Variants in ATPAF1 observed in about 807,000 individuals in gnomAD.
The protein encoded by ATPAF1 is ATP synthase mitochondrial F1 complex assembly factor 1.
In ATPAF1, 26 loss-of-function variants were observed where a neutral mutation model predicts 43.9. The ratio of observed to expected loss-of-function variants is 0.59; its 90% CI spans 0.43 to 0.82. ATPAF1 has a LOEUF of 0.82. Among genes scored for constraint, ATPAF1 ranks in the 40% least tolerant of loss-of-function variants. ATPAF1 has a pLI of 0.00. For synonymous variants in ATPAF1, 157 were observed against 168.0 expected, an observed-to-expected ratio of 0.93 and a Z score of 0.50; for missense variants, 366 against 435.0, an observed-to-expected ratio of 0.84 and a Z score of 1.41.
intron 2 of ATPAF1, among the ~76,000 whole-genome samples, chr1:46,662,211 T>C (rs1266891927): frequency 1.3e-5 from 2 of 152,202 alleles, no homozygotes; most frequent in African/African-American, 4.8e-5. Context: ...GCCAAATTTC[T>C]AAGTCTGTTT....
intron 6 of ATPAF1, among the ~76,000 whole-genome samples, chr1:46,649,308 T>C (rs1242911479): frequency 2.0e-5 from 3 of 152,202 alleles, no homozygotes; most frequent in Non-Finnish European, 1.5e-5. Context: ...CTTTCTCTAA[T>C]TTATAGACAC....
intron 6 of ATPAF1, among the ~76,000 whole-genome samples, chr1:46,652,204 G>GA (rs1676182931): frequency 1.2e-5 from 1 of 80,708 alleles, no homozygotes; most frequent in African/African-American, 5.9e-5. Flanking sequence ...AATAATAAAA[G>GA]CAAAAAAAAA....
chr1:46,659,513 C>T (rs682000), intron 2 of ATPAF1, among the ~76,000 whole-genome samples: 2,080 of 146,014 alleles, frequency 0.014, 48 homozygotes, highest in African/African-American at 0.048. Context: ...CCTCAGCAGA[C>T]TAGAGTCATT....
chr1:46,653,698 G>A lies in ATPAF1; in HGVS notation c.540+119C>T. ...GGGCATAATAAAAACTCTCAGGGCT[G>A]TAAAATGCAGCTTCTCAAGAGGCAA... is the stretch of plus-strand genomic sequence containing the variant. On this transcript the variant is annotated intron_variant, in intron 5 of 8. Transcript: ENST00000574428. The surrounding 1 kb of genome is among the most constrained non-coding windows in gnomAD (Gnocchi z 4.8). 1 of 890,676 alleles carries A rather than the reference G, an allele frequency of 1.1e-6. No homozygotes were observed. The highest frequency in any genetic ancestry group is 1.9e-5 in the South Asian group (1 of 53,220). 55.2% of individuals were successfully genotyped at this position (890,676 alleles called of 1,614,324 possible). A position where few individuals can be genotyped will look rare whatever the true frequency, so the allele number is the denominator to read the frequency against.
At chr1:46,664,326 T>C (rs1463363154) in intron 2 of ATPAF1, among the ~76,000 whole-genome samples, 1 of 152,208 alleles carries the variant, frequency 6.6e-6, no homozygotes, top group African/African-American at 2.4e-5. Context: ...AAGTAGGTAC[T>C]GTTATTATTC....
chr1:46,638,389 T>C (rs1475552630), intron 8 of ATPAF1, among the ~76,000 whole-genome samples: 2 of 152,154 alleles, frequency 1.3e-5, no homozygotes, highest in African/African-American at 2.4e-5. Flanking sequence ...GAGGCCGAGG[T>C]GGGCGGATCA....
chr1:46,635,723 C>T, exon 9 of ATPAF1: 3 of 1,536,676 alleles, frequency 2.0e-6, no homozygotes, highest in Non-Finnish European at 2.6e-6. Flanking sequence ...AGGGGGTGGG[C>T]TCTAGACTAT....
exon 3 of ATPAF1, chr1:46,658,688 T>C (rs1350166466): frequency 2.5e-6 from 4 of 1,598,208 alleles, no homozygotes; most frequent in Middle Eastern, 1.7e-4. Flanking sequence ...GAAACCTACC[T>C]TGTCCTTAGT....
intron 1 of ATPAF1, among the ~76,000 whole-genome samples, chr1:46,667,389 G>A (rs1676508883): frequency 6.6e-6 from 1 of 152,036 alleles, no homozygotes; most frequent in Non-Finnish European, 1.5e-5. Flanking sequence ...CTCTTCAGAT[G>A]CTCCTATAGC....
At chr1:46,633,026 T>C (rs1410892362), downstream of ATPAF1, 1 of 152,694 alleles carries the variant, frequency 6.5e-6, no homozygotes, top group Non-Finnish European at 1.5e-5. Flanking sequence ...GATAAGGCAG[T>C]GGTTCTCAAA....
intron 6 of ATPAF1, among the ~76,000 whole-genome samples, chr1:46,649,418 G>A (rs775594909): frequency 6.6e-6 from 1 of 152,110 alleles, no homozygotes; most frequent in Non-Finnish European, 1.5e-5. Flanking sequence ...ATACCATACT[G>A]TTTTAATTAC....
chr1:46,665,791 G>A (rs2148828178), intron 1 of ATPAF1: 2 of 1,474,076 alleles, frequency 1.4e-6, no homozygotes, highest in Non-Finnish European at 1.8e-6. Context: ...TTAAACATCT[G>A]CTTTATTCAG....
chr1:46,668,373 G>A (rs1676532852), upstream of ATPAF1: 5 of 1,258,888 alleles, frequency 4.0e-6, no homozygotes, highest in Non-Finnish European at 5.0e-6. This position sits in a 1 kb window ranked among gnomAD's most constrained non-coding sequence, Gnocchi z 4.4. Flanking sequence ...TCGGCCCGCG[G>A]CCCGCGCGCC....
chr1:46,651,398 A>G (rs1676167408), intron 6 of ATPAF1, among the ~76,000 whole-genome samples: 1 of 152,058 alleles, frequency 6.6e-6, no homozygotes, highest in African/African-American at 2.4e-5. Context: ...CCAGTCTATC[A>G]TTGTTGGACA....
chr1:46,653,752 C>G lies in ATPAF1; in HGVS notation c.540+65G>C. On this transcript the variant is annotated intron_variant, in intron 5 of 8. Coordinates refer to ENST00000574428, the Ensembl canonical transcript of ATPAF1. The surrounding 1 kb of genome is among the most constrained non-coding windows in gnomAD (Gnocchi z 4.8). ...ACATAGGAAAAGTAAAGGCAACTGCCTGCTAAGGTTAGAGAACTGACTTTC... is the reference window on the plus strand; with the variant it reads ...ACATAGGAAAAGTAAAGGCAACTGCGTGCTAAGGTTAGAGAACTGACTTTC... The G allele has an allele frequency of 6.7e-7, 1 of 1,496,848 alleles. No homozygotes were observed. The highest frequency in any genetic ancestry group is 9.2e-7 in the Non-Finnish European group (1 of 1,090,518). The allele number at this position is 1,496,848 out of a possible 1,614,324, so 92.7% of individuals were successfully genotyped here.
downstream of ATPAF1, chr1:46,634,267 C>T (rs1306679150): frequency 1.0e-5 from 2 of 193,154 alleles, no homozygotes; most frequent in Non-Finnish European, 2.1e-5. Context: ...CATTCAGTGT[C>T]ATATAACCAG....
intron 6 of ATPAF1, among the ~76,000 whole-genome samples, chr1:46,645,863 T>C (rs1676033879): frequency 6.6e-6 from 1 of 152,214 alleles, no homozygotes; most frequent in Admixed American, 6.5e-5. Context: ...TATATGCGTA[T>C]AACTGTAAGT....
intron 2 of ATPAF1, chr1:46,664,596 A>C (rs1282577331): frequency 1.3e-5 from 2 of 152,248 alleles, no homozygotes; most frequent in Admixed American, 1.3e-4. Flanking sequence ...TTTACTTTCA[A>C]AGCTCTTCCT....
chr1:46,643,144 C>T (rs752020559), intron 8 of ATPAF1, 50 bp downstream of exon 8: 21 of 1,424,754 alleles, frequency 1.5e-5, no homozygotes, highest in Non-Finnish European at 2.1e-5. Flanking sequence ...AAGAGTAATA[C>T]CTTCAGTGCC....
Sources: allele counts gnomAD v4.1 joint callset (sites outside exome capture counted in the v4.1 genomes callset), GRCh38; gene constraint gnomAD v4.1.1; non-coding constraint Gnocchi (gnomAD v3.1); transcripts MANE v1.5; gene names NCBI Gene and HGNC (gene_info 2026-07-23, HGNC 2026-07-21).